ZNF469: variants seen among roughly 807,000 people sequenced by gnomAD.
ZNF469 encodes zinc finger protein 469.
Under a neutral mutation model 1.0 loss-of-function variants are expected in ZNF469, and 1 was observed. That is an observed-to-expected ratio of 1.00 (90% CI 0.35 to 4.73). The LOEUF is 4.73. Among genes scored for constraint, ZNF469 ranks in the 30% most tolerant of loss-of-function variants. The probability of loss-of-function intolerance (pLI) is 0.16; values close to 1 mark genes in which losing one functional copy is unlikely to be tolerated. For missense variants in ZNF469, 6,100 were observed against 5,356.3 expected (o/e 1.14, Z -4.33); for synonymous variants, 2,703 against 2,363.4 (o/e 1.14, Z -4.17).
intron 1 of ZNF469, among the ~76,000 whole-genome samples, chr16:88,414,052 C>T (rs770523751): frequency 3.3e-5 from 5 of 152,222 alleles, no homozygotes; most frequent in Admixed American, 3.3e-4. Flanking sequence ...GCTTTCCCTA[C>T]ACCCTCGGGT....
the ZNF469 span, among the ~76,000 whole-genome samples, chr16:88,110,996 G>A: frequency 6.6e-6 from 1 of 152,254 alleles, no homozygotes; most frequent in Admixed American, 6.5e-5. Flanking sequence ...AGATGAAGAC[G>A]CTGCGGCCCA....
chr16:88,285,791 G>C, the ZNF469 span, among the ~76,000 whole-genome samples: 2 of 152,250 alleles, frequency 1.3e-5, no homozygotes, highest in Non-Finnish European at 2.9e-5. Flanking sequence ...CCACCATGTT[G>C]TCTGCTGCTT....
chr16:88,381,309 T>C (rs374934371), upstream of ZNF469, among the ~76,000 whole-genome samples: 609 of 124,346 alleles, frequency 4.9e-3, 5 homozygotes, highest in African/African-American at 0.019. Context: ...CATGCACTCA[T>C]GCACTCACAC....
chr16:88,221,385 C>T, the ZNF469 span, among the ~76,000 whole-genome samples: 1 of 152,218 alleles, frequency 6.6e-6, no homozygotes, highest in African/African-American at 2.4e-5. Context: ...GCCTGGCCGC[C>T]ACACTTCCTC....
the ZNF469 span, among the ~76,000 whole-genome samples, chr16:88,353,713 T>C: frequency 6.6e-6 from 1 of 152,056 alleles, no homozygotes; most frequent in Non-Finnish European, 1.5e-5. Context: ...GCCTTGCAGG[T>C]GTAATTTGCT....
the ZNF469 span, among the ~76,000 whole-genome samples, chr16:88,251,538 C>CTTTTTTTTTT: frequency 2.1e-3 from 108 of 51,262 alleles, 20 homozygotes; most frequent in Admixed American, 3.0e-3. Context: ...TCCCTGCTGT[C>CTTTTTTTTTT]TTTTTTTTTT....
At chr16:88,115,911 TC>T in the ZNF469 span, among the ~76,000 whole-genome samples, 2 of 152,232 alleles carry the variant, frequency 1.3e-5, no homozygotes, top group African/African-American at 4.8e-5. Context: ...TGTGGTCTCT[TC>T]GTCTTTGGGG....
Position 88,429,822 on chromosome 16 carries a change from C to G in ZNF469, c.2352C>G (p.Ala784=). The G allele has an allele frequency of 6.5e-7, 1 of 1,546,768 alleles. No homozygotes were observed. The highest frequency in any genetic ancestry group is 1.2e-5 in the South Asian group (1 of 83,978). The part of the protein sequence containing the change: ...PSPPAAPRVP[A]DAHAGLLSHA... Reference sequence around the variant, plus strand: ...CCCCCGCTGCCCCCAGAGTCCCTGCCGACGCACACGCGGGCTTGCTCAGCC... The same window carrying G: ...CCCCCGCTGCCCCCAGAGTCCCTGCGGACGCACACGCGGGCTTGCTCAGCC... Residue 784 remains alanine, a synonymous_variant, in exon 3 of 3, where the codon GCC becomes GCG. Coordinates refer to ENST00000565624, the MANE Select transcript of ZNF469 (RefSeq NM_001367624.2).
the ZNF469 span, among the ~76,000 whole-genome samples, chr16:88,196,543 C>G: frequency 3.3e-5 from 5 of 152,200 alleles, no homozygotes; most frequent in Non-Finnish European, 5.9e-5. Context: ...CCCACTTCCC[C>G]TCCAGCCACT....
the ZNF469 span, among the ~76,000 whole-genome samples, chr16:88,323,997 C>T: frequency 6.6e-6 from 1 of 152,230 alleles, no homozygotes; most frequent in Non-Finnish European, 1.5e-5. Flanking sequence ...ATTTTGCTCA[C>T]AAATCAATGG....
chr16:88,402,571 G>A (rs1904912350), intron 1 of ZNF469, among the ~76,000 whole-genome samples: 1 of 152,128 alleles, frequency 6.6e-6, no homozygotes, highest in African/African-American at 2.4e-5. Context: ...TCTGTGAGTA[G>A]AGACTTTCCC....
At chr16:88,224,128 G>A in the ZNF469 span, among the ~76,000 whole-genome samples, 3 of 152,198 alleles carry the variant, frequency 2.0e-5, no homozygotes, top group Non-Finnish European at 2.9e-5. Flanking sequence ...GAAGGGAGCC[G>A]AGCTCCTTCT....
chr16:88,193,034 T>G, the ZNF469 span, among the ~76,000 whole-genome samples: 12 of 137,820 alleles, frequency 8.7e-5, no homozygotes, highest in African/African-American at 1.9e-4. Flanking sequence ...GTGATGGTGG[T>G]GATGGTGGTG....
chr16:88,125,542 C>A, the ZNF469 span, among the ~76,000 whole-genome samples: 1 of 152,206 alleles, frequency 6.6e-6, no homozygotes, highest in Non-Finnish European at 1.5e-5. Flanking sequence ...CATCTTAACT[C>A]TATCGAGTAA....
the ZNF469 span, among the ~76,000 whole-genome samples, chr16:88,247,401 T>C: frequency 6.7e-6 from 1 of 149,070 alleles, no homozygotes; most frequent in Non-Finnish European, 1.5e-5. Flanking sequence ...AATCAGTAAA[T>C]AAGTGAGTGA....
chr16:88,271,216 G>A, the ZNF469 span, among the ~76,000 whole-genome samples: 33 of 150,700 alleles, frequency 2.2e-4, no homozygotes, highest in African/African-American at 7.2e-4. Context: ...GTTAGTCACC[G>A]TCATCATCTT....
At chr16:88,289,098 G>A in the ZNF469 span, among the ~76,000 whole-genome samples, 2 of 152,022 alleles carry the variant, frequency 1.3e-5, no homozygotes, top group Admixed American at 6.5e-5. Flanking sequence ...TGATAGTGAT[G>A]AGGGTGATGA....
chr16:88,304,559 C>G, the ZNF469 span, among the ~76,000 whole-genome samples: 1 of 152,092 alleles, frequency 6.6e-6, no homozygotes, highest in East Asian at 1.9e-4. Context: ...CATATCCACC[C>G]GACTCAGCTC....
At chr16:88,275,945 G>C in the ZNF469 span, among the ~76,000 whole-genome samples, 3 of 152,142 alleles carry the variant, frequency 2.0e-5, no homozygotes, top group Non-Finnish European at 4.4e-5. Context: ...GAAAACACGG[G>C]AACAGGCCCA....
Sources: allele counts gnomAD v4.1 joint callset (sites outside exome capture counted in the v4.1 genomes callset), GRCh38; gene constraint gnomAD v4.1.1; transcripts MANE v1.5; gene names NCBI Gene and HGNC (gene_info 2026-07-23, HGNC 2026-07-21).